The following CSMD3 variants were observed in gnomAD, a reference collection of about 807,000 sequenced individuals.
The protein encoded by CSMD3 is CUB and sushi domain-containing protein 3.
Under a neutral mutation model 435.2 loss-of-function variants are expected in CSMD3, and 177 were observed. The ratio of observed to expected loss-of-function variants is 0.41; its 90% CI spans 0.36 to 0.46. The LOEUF is 0.46. Ranked by LOEUF, CSMD3 falls within the 20% of genes least tolerant of loss-of-function variation. CSMD3 has a pLI of 0.34. For missense variants in CSMD3, 4,265 were observed against 4,504.6 expected (o/e 0.95, Z 1.52); for synonymous variants, 1,656 against 1,520.5 (o/e 1.09, Z -2.07).
intron 12 of CSMD3, among the ~76,000 whole-genome samples, chr8:112,813,952 G>A (rs73702225): frequency 0.011 from 1,648 of 152,268 alleles, 32 homozygotes; most frequent in African/African-American, 0.038. Flanking sequence ...CCAAGGCTTC[G>A]CCCCGTCCTC....
intron 22 of CSMD3, among the ~76,000 whole-genome samples, chr8:112,589,668 T>G (rs1453613074): frequency 6.6e-6 from 1 of 152,142 alleles, no homozygotes; most frequent in Non-Finnish European, 1.5e-5. Flanking sequence ...TGACTGAATA[T>G]TCTTAAGATA....
intron 13 of CSMD3, among the ~76,000 whole-genome samples, chr8:112,715,287 T>C (rs575019038): frequency 6.6e-6 from 1 of 152,260 alleles, no homozygotes. Flanking sequence ...CAGAGAATAC[T>C]ATAAACACCT....
intron 2 of CSMD3, among the ~76,000 whole-genome samples, chr8:113,297,879 C>T (rs888890497): frequency 1.3e-5 from 2 of 151,872 alleles, no homozygotes; most frequent in Non-Finnish European, 1.5e-5. Context: ...TTAGTTATTC[C>T]GAAATCTTGT....
At chr8:113,017,237 C>T (rs2086497867) in intron 6 of CSMD3, among the ~76,000 whole-genome samples, 1 of 151,968 alleles carries the variant, frequency 6.6e-6, no homozygotes, top group Middle Eastern at 3.4e-3. Context: ...GCTTGAAAAC[C>T]ACAATTCCAA....
At chr8:112,915,842 T>C (rs377381270) in intron 10 of CSMD3, among the ~76,000 whole-genome samples, 2 of 151,872 alleles carry the variant, frequency 1.3e-5, no homozygotes, top group Admixed American at 1.3e-4. Context: ...AAAATTATTA[T>C]TGCTTGTGTG....
chr8:112,929,986 T>C (rs74392571), intron 9 of CSMD3, among the ~76,000 whole-genome samples: 5,124 of 152,116 alleles, frequency 0.034, 145 homozygotes, highest in Middle Eastern at 0.052. Context: ...GGAAAGAAAG[T>C]GGTTAAGATT....
At chr8:113,092,203 T>C (rs2131515391) in intron 5 of CSMD3, among the ~76,000 whole-genome samples, 1 of 152,194 alleles carries the variant, frequency 6.6e-6, no homozygotes, top group Admixed American at 6.5e-5. Flanking sequence ...TCTCACTTTT[T>C]AGTTATTGTA....
At chr8:112,551,529 C>T (rs1248083754) in intron 26 of CSMD3, among the ~76,000 whole-genome samples, 1 of 151,954 alleles carries the variant, frequency 6.6e-6, no homozygotes, top group East Asian at 1.9e-4. Flanking sequence ...ATACATGAAT[C>T]GTTACAGCTT....
chr8:112,925,920 T>C (rs2082896756), intron 9 of CSMD3, among the ~76,000 whole-genome samples: 1 of 152,212 alleles, frequency 6.6e-6, no homozygotes, highest in African/African-American at 2.4e-5. Context: ...ACTGCCAAGA[T>C]GGCAAATATT....
At chr8:112,236,185 T>C (rs1813581141) in intron 67 of CSMD3, among the ~76,000 whole-genome samples, 2 of 152,046 alleles carry the variant, frequency 1.3e-5, no homozygotes, top group South Asian at 4.1e-4. Flanking sequence ...AATATAATTT[T>C]ATTTTCAATT....
intron 20 of CSMD3, among the ~76,000 whole-genome samples, chr8:112,640,158 C>G (rs1362510821): frequency 6.6e-6 from 1 of 151,984 alleles, no homozygotes; most frequent in African/African-American, 2.4e-5. Context: ...ATTACACTGT[C>G]AAGAACACAT....
chr8:112,507,493 A>G (rs915402356), intron 28 of CSMD3, among the ~76,000 whole-genome samples: 1 of 152,172 alleles, frequency 6.6e-6, no homozygotes, highest in Non-Finnish European at 1.5e-5. Flanking sequence ...GTGGGATGGG[A>G]GAGTGGGAAA....
At position 112,977,209 on chromosome 8, in the gene CSMD3, A is replaced by G. The variant is rs548268006; in HGVS notation, c.1031-1061T>C. Among the ~76,000 whole-genome samples, 16 of 152,180 alleles carry G rather than the reference A, an allele frequency of 1.1e-4. No homozygotes were observed. In the South Asian group the frequency reaches 3.1e-3, roughly 30 times the overall value. ...GATCTTGACAGCTAAAATCCTTAAC[A>G]GCAACAACCAAAAAAAATATTGAAA... is the stretch of plus-strand genomic sequence containing the variant. On this transcript the variant is annotated intron_variant, in intron 6 of 70. Transcript: ENST00000297405.
intron 11 of CSMD3, among the ~76,000 whole-genome samples, chr8:112,846,739 A>G (rs1587464121): frequency 6.6e-6 from 1 of 151,792 alleles, no homozygotes; most frequent in East Asian, 1.9e-4. Flanking sequence ...ATTTATTTAT[A>G]TTTATTGATA....
chr8:112,732,551 C>T (rs1480239488), intron 13 of CSMD3, among the ~76,000 whole-genome samples: 3 of 151,298 alleles, frequency 2.0e-5, no homozygotes, highest in Non-Finnish European at 4.4e-5. Flanking sequence ...GCCAACGTGG[C>T]GAAACCTCGT....
At chr8:112,460,653 A>T (rs753662026) in intron 32 of CSMD3, among the ~76,000 whole-genome samples, 4 of 152,148 alleles carry the variant, frequency 2.6e-5, no homozygotes, top group Non-Finnish European at 5.9e-5. Flanking sequence ...AAACTCTGTT[A>T]CAATAAAATA....
At chr8:112,406,839 G>A (rs1831904890) in intron 34 of CSMD3, 112 bp from the exon 35 acceptor site, 1 of 567,130 alleles carries the variant, frequency 1.8e-6, no homozygotes, top group Non-Finnish European at 3.0e-6. Flanking sequence ...ATCAGAACTT[G>A]AATTAACAAT....
At chr8:112,834,930 A>G (rs2079978265) in intron 11 of CSMD3, among the ~76,000 whole-genome samples, 1 of 151,860 alleles carries the variant, frequency 6.6e-6, no homozygotes, top group Admixed American at 6.6e-5. Context: ...GAAAAACTGG[A>G]ATAATAAAAT....
intron 4 of CSMD3, among the ~76,000 whole-genome samples, chr8:113,136,084 C>T (rs112208971): frequency 1.7e-4 from 26 of 151,754 alleles, no homozygotes; most frequent in South Asian, 4.2e-4. Flanking sequence ...GACCATATTA[C>T]GTATCATATA....
Sources: allele counts gnomAD v4.1 joint callset (sites outside exome capture counted in the v4.1 genomes callset), GRCh38; gene constraint gnomAD v4.1.1; transcripts MANE v1.5; gene names NCBI Gene and HGNC (gene_info 2026-07-23, HGNC 2026-07-21).